FHIP1A: variants seen among roughly 807,000 people sequenced by gnomAD.
The protein encoded by FHIP1A is FHF complex subunit HOOK interacting protein 1A.
FHIP1A carries 61 observed loss-of-function variants against 88.6 expected under a neutral mutation model. The observed-to-expected ratio is 0.69, with a 90% confidence interval of 0.56 to 0.85. The LOEUF is 0.85. Ranked by LOEUF, FHIP1A falls within the 40% of genes least tolerant of loss-of-function variation. The pLI, the probability that FHIP1A is intolerant of heterozygous loss-of-function variation, is 0.00. For synonymous variants in FHIP1A, 478 were observed against 496.0 expected, an observed-to-expected ratio of 0.96 and a Z score of 0.48; for missense variants, 1,154 against 1,273.5, an observed-to-expected ratio of 0.91 and a Z score of 1.43.
At chr4:151,435,175 CCTAT>C (rs1733755603) in intron 1 of FHIP1A, among the ~76,000 whole-genome samples, 2 of 36,040 alleles carry the variant, frequency 5.5e-5, no homozygotes, top group Non-Finnish European at 1.4e-4. Flanking sequence ...TAACTATAGT[CCTAT>C]AGTCACCTTA....
chr4:151,420,964 T>C (rs1029521671), intron 1 of FHIP1A, among the ~76,000 whole-genome samples: 2 of 152,206 alleles, frequency 1.3e-5, no homozygotes, highest in Admixed American at 6.5e-5. Flanking sequence ...ATGAAACTTT[T>C]ATATCATCCT....
intron 8 of FHIP1A, among the ~76,000 whole-genome samples, chr4:151,630,295 G>A (rs1200942413): frequency 6.6e-6 from 1 of 152,124 alleles, no homozygotes; most frequent in Admixed American, 6.5e-5. Flanking sequence ...ATGGAAGTTT[G>A]GAAAGTTGTG....
At chr4:151,425,241 A>G (rs1276386794) in intron 1 of FHIP1A, among the ~76,000 whole-genome samples, 1 of 152,224 alleles carries the variant, frequency 6.6e-6, no homozygotes, top group Non-Finnish European at 1.5e-5. Context: ...AAGGAGGACT[A>G]TGTCAAACCA....
intron 1 of FHIP1A, among the ~76,000 whole-genome samples, chr4:151,412,201 C>G (rs951004084): frequency 1.3e-5 from 2 of 151,936 alleles, no homozygotes; most frequent in Admixed American, 1.3e-4. Context: ...CCTCCCAGTT[C>G]CAGCGATTCT....
chr4:151,415,281 G>T (rs949426088), intron 1 of FHIP1A, among the ~76,000 whole-genome samples: 13 of 151,608 alleles, frequency 8.6e-5, no homozygotes, highest in Non-Finnish European at 1.8e-4. Flanking sequence ...CTCCCTCCCA[G>T]GTTCGAGCAA....
intron 9 of FHIP1A, among the ~76,000 whole-genome samples, chr4:151,642,245 G>A (rs1375442469): frequency 6.6e-6 from 1 of 152,190 alleles, no homozygotes; most frequent in Non-Finnish European, 1.5e-5. Context: ...CCTCCCAGTT[G>A]AGACAAAATT....
At chr4:151,559,377 A>G (rs2126760667) in intron 3 of FHIP1A, among the ~76,000 whole-genome samples, 1 of 152,364 alleles carries the variant, frequency 6.6e-6, no homozygotes, top group African/African-American at 2.4e-5. Flanking sequence ...CAAAGAAGGT[A>G]CAGTTTGAAA....
At chr4:151,445,404 A>G (rs1171445707) in intron 1 of FHIP1A, among the ~76,000 whole-genome samples, 1 of 152,010 alleles carries the variant, frequency 6.6e-6, no homozygotes, top group Non-Finnish European at 1.5e-5. Flanking sequence ...AGTAGGCATG[A>G]TTGATTAAAT....
intron 2 of FHIP1A, among the ~76,000 whole-genome samples, chr4:151,479,946 A>T (rs12647555): frequency 0.52 from 78,932 of 151,838 alleles, 20,818 homozygotes; most frequent in African/African-American, 0.55. Flanking sequence ...GAATTTGATT[A>T]TATTATGTGG....
chr4:151,550,331 ATTCT>A (rs2126742941), intron 3 of FHIP1A, among the ~76,000 whole-genome samples: 1 of 152,198 alleles, frequency 6.6e-6, no homozygotes, highest in East Asian at 1.9e-4. Context: ...GGTCTTATTC[ATTCT>A]TTCTATTTTT....
At chr4:151,443,798 A>G (rs1728497168) in intron 1 of FHIP1A, among the ~76,000 whole-genome samples, 2 of 151,216 alleles carry the variant, frequency 1.3e-5, no homozygotes, top group Admixed American at 6.6e-5. Flanking sequence ...ACTCTGAGGT[A>G]TCAGAATTCG....
At chr4:151,532,769 C>T (rs185645562) in intron 3 of FHIP1A, among the ~76,000 whole-genome samples, 16 of 152,274 alleles carry the variant, frequency 1.1e-4, no homozygotes, top group Admixed American at 2.6e-4. Flanking sequence ...TTCCACATGG[C>T]TGGGGAGGCC....
At chr4:151,505,802 A>AT (rs1212962886) in intron 3 of FHIP1A, among the ~76,000 whole-genome samples, 3 of 152,152 alleles carry the variant, frequency 2.0e-5, no homozygotes, top group Admixed American at 1.3e-4. Flanking sequence ...CATAGTGAAA[A>AT]TTTTTTAAAA....
At chr4:151,464,315 A>G (rs1243230781) in intron 2 of FHIP1A, among the ~76,000 whole-genome samples, 2 of 152,234 alleles carry the variant, frequency 1.3e-5, no homozygotes, top group Admixed American at 1.3e-4. Flanking sequence ...TTCCCTCTAA[A>G]GGGATAGTAA....
chr4:151,647,310 T>C (rs1266291421), intron 10 of FHIP1A, among the ~76,000 whole-genome samples: 6 of 152,194 alleles, frequency 3.9e-5, no homozygotes, highest in Non-Finnish European at 5.9e-5. Context: ...AAAACTGAAA[T>C]GGCCATCTCT....
intron 4 of FHIP1A, among the ~76,000 whole-genome samples, chr4:151,567,185 A>G (rs1427563996): frequency 1.3e-5 from 2 of 152,184 alleles, no homozygotes; most frequent in African/African-American, 4.8e-5. Context: ...CACATAGTAA[A>G]ATAAATAAAA....
Position 151,665,092 on chromosome 4 carries a change from A to G in FHIP1A, c.*2338A>G, listed in dbSNP as rs1458826472. Among the ~76,000 whole-genome samples, 1 of 152,100 alleles carries G rather than the reference A, an allele frequency of 6.6e-6. No individual in the cohort carries two copies. The highest frequency in any genetic ancestry group is 1.9e-4 in the East Asian group (1 of 5,198). ...TGGGCTCAAGTGATCCTCCCACCTCAGCCTTCCGAGTAGCTGGGAATATAG... is the reference window on the plus strand; with the variant it reads ...TGGGCTCAAGTGATCCTCCCACCTCGGCCTTCCGAGTAGCTGGGAATATAG... On this transcript the variant is annotated 3_prime_UTR_variant, in exon 14 of 14. Transcript: ENST00000435205.
At chr4:151,487,843 G>C (rs1260527056) in intron 3 of FHIP1A, among the ~76,000 whole-genome samples, 1 of 152,230 alleles carries the variant, frequency 6.6e-6, no homozygotes, top group African/African-American at 2.4e-5. Flanking sequence ...AAGCCAGGCT[G>C]TCTGGTTCTA....
At chr4:151,496,553 TTTATTAA>T (rs112772568) in intron 3 of FHIP1A, among the ~76,000 whole-genome samples, 50 of 152,142 alleles carry the variant, frequency 3.3e-4, no homozygotes, top group African/African-American at 1.2e-3. Context: ...CATTTATTTA[TTTATTAA>T]TTATTTGAGA....
Sources: allele counts gnomAD v4.1 joint callset (sites outside exome capture counted in the v4.1 genomes callset), GRCh38; gene constraint gnomAD v4.1.1; transcripts MANE v1.5; gene names NCBI Gene and HGNC (gene_info 2026-07-23, HGNC 2026-07-21).